Variants in GRIP1 observed in about 807,000 individuals in gnomAD.
The protein encoded by GRIP1 is glutamate receptor-interacting protein 1.
In GRIP1, 45 loss-of-function variants were observed where a neutral mutation model predicts 129.9. That is an observed-to-expected ratio of 0.35 (90% CI 0.27 to 0.44). GRIP1 has a LOEUF of 0.44. Among genes scored for constraint, GRIP1 ranks in the 20% least tolerant of loss-of-function variants. The pLI is 1.00. For missense variants in GRIP1, 1,196 were observed against 1,396.8 expected (o/e 0.86, Z 2.29); for synonymous variants, 530 against 520.8 (o/e 1.02, Z -0.24).
intron 1 of GRIP1, among the ~76,000 whole-genome samples, chr12:66,852,532 GTATA>G (rs201373720): frequency 6.7e-6 from 1 of 149,760 alleles, no homozygotes; most frequent in Non-Finnish European, 1.5e-5. Flanking sequence ...ATATGTATAT[GTATA>G]TATGTATATA....
intron 1 of GRIP1, among the ~76,000 whole-genome samples, chr12:66,860,391 G>C (rs7310441): frequency 1.3e-5 from 2 of 151,860 alleles, no homozygotes; most frequent in Admixed American, 1.3e-4. Flanking sequence ...TGGAGCATTC[G>C]TCTCTTAGCC....
intron 1 of GRIP1, among the ~76,000 whole-genome samples, chr12:66,853,445 CT>C (rs1013499019): frequency 6.6e-6 from 1 of 151,798 alleles, no homozygotes; most frequent in African/African-American, 2.4e-5. Context: ...GAAAATTTAT[CT>C]TTTTTTCTCC....
Position 66,776,799 on chromosome 12 carries a change from A to G in GRIP1, c.-420+27254T>C, listed in dbSNP as rs140229678. Among the ~76,000 whole-genome samples, 79 of 152,318 alleles carry G rather than the reference A, an allele frequency of 5.2e-4. 1 individual carries two copies. Among genetic ancestry groups the G allele is most frequent in the African/African-American group, 1.7e-3 (69 of 41,572 alleles). ...TGGCAGAAGTAAAATTGTTGATGAA[A>G]TGCCATAGTGATAACAGGAAAACAA... is the stretch of plus-strand genomic sequence containing the variant. On this transcript the variant is annotated intron_variant, in intron 1 of 4. Transcript: ENST00000538373.
intron 1 of GRIP1, among the ~76,000 whole-genome samples, chr12:66,650,944 A>G (rs1273537526): frequency 6.6e-6 from 1 of 152,230 alleles, no homozygotes; most frequent in African/African-American, 2.4e-5. Context: ...CTCCAAAATG[A>G]GCATGGTAAA....
chr12:66,548,810 C>T (rs1166560270), intron 2 of GRIP1, among the ~76,000 whole-genome samples: 1 of 152,078 alleles, frequency 6.6e-6, no homozygotes, highest in African/African-American at 2.4e-5. Flanking sequence ...GTGGGGCAGG[C>T]ACACTATATA....
chr12:66,431,583 C>T (rs2058149554), intron 14 of GRIP1, among the ~76,000 whole-genome samples: 1 of 152,198 alleles, frequency 6.6e-6, no homozygotes, highest in South Asian at 2.1e-4. Flanking sequence ...GAACCACTGA[C>T]AGAAATGCTA....
chr12:66,991,082 C>T (rs2042387827), intron 1 of GRIP1, among the ~76,000 whole-genome samples: 1 of 151,850 alleles, frequency 6.6e-6, no homozygotes, highest in South Asian at 2.1e-4. Flanking sequence ...ACCATCCTGG[C>T]TAACAGGGTG....
At position 66,401,609 on chromosome 12, in the gene GRIP1, T is replaced by C. The variant is rs866218896; in HGVS notation, c.1984+4674A>G. The stretch of plus-strand genomic sequence containing the variant: ...AAAAAAATATGTGTGTATATATATA[T>C]ACACACACACACACACACACACACA... On this transcript the variant is annotated intron_variant, in intron 16 of 24. Coordinates refer to ENST00000359742, the MANE Select transcript of GRIP1 (RefSeq NM_001366722.1). Among the ~76,000 whole-genome samples, 410 of 110,182 alleles carry C rather than the reference T, an allele frequency of 3.7e-3. 19 individuals carry two copies. Among genetic ancestry groups the C allele is most frequent in the African/African-American group, 0.015 (396 of 26,812 alleles). The allele number at this position is 110,182 out of a possible 152,430, so 72.3% of individuals were successfully genotyped here.
intron 1 of GRIP1, among the ~76,000 whole-genome samples, chr12:66,811,583 A>G (rs1369359665): frequency 2.0e-5 from 3 of 151,980 alleles, no homozygotes; most frequent in Non-Finnish European, 2.9e-5. Context: ...AATTCATTCC[A>G]TTTTCCTTGT....
chr12:66,483,768 A>G (rs1282208672), intron 7 of GRIP1, among the ~76,000 whole-genome samples: 2 of 152,218 alleles, frequency 1.3e-5, no homozygotes, highest in African/African-American at 4.8e-5. Flanking sequence ...CTGTGTAACC[A>G]CACCAAGACC....
At chr12:66,576,883 T>A (rs1437310369) in intron 2 of GRIP1, among the ~76,000 whole-genome samples, 2 of 152,208 alleles carry the variant, frequency 1.3e-5, no homozygotes, top group African/African-American at 4.8e-5. Flanking sequence ...AAGACCTGTA[T>A]GTGTTAGTTG....
At chr12:66,903,350 G>A (rs533735304) in intron 1 of GRIP1, among the ~76,000 whole-genome samples, 3 of 150,406 alleles carry the variant, frequency 2.0e-5, no homozygotes, top group East Asian at 3.9e-4. Flanking sequence ...CTTCAAGAGC[G>A]CTTTTTTCCT....
intron 5 of GRIP1, among the ~76,000 whole-genome samples, chr12:66,526,706 G>T (rs1370615131): frequency 2.6e-5 from 4 of 151,794 alleles, no homozygotes; most frequent in East Asian, 1.9e-4. Context: ...AAGAGCTTCT[G>T]CACAGCAAAA....
intron 1 of GRIP1, among the ~76,000 whole-genome samples, chr12:66,775,348 G>C (rs888094344): frequency 1.3e-5 from 2 of 152,200 alleles, no homozygotes; most frequent in African/African-American, 2.4e-5. Flanking sequence ...ATACACGTGA[G>C]AGGAGTCATC....
intron 1 of GRIP1, among the ~76,000 whole-genome samples, chr12:66,739,747 A>AT (rs1393774156): frequency 2.0e-5 from 3 of 149,574 alleles, no homozygotes; most frequent in East Asian, 2.0e-4. Flanking sequence ...CTAAAATAAA[A>AT]TAAAAAAAAA....
At chr12:67,050,782 C>T (rs2043332102) in intron 1 of GRIP1, among the ~76,000 whole-genome samples, 1 of 152,098 alleles carries the variant, frequency 6.6e-6, no homozygotes, top group Admixed American at 6.5e-5. Flanking sequence ...AATGTTGCAA[C>T]CTCTGCCCAC....
At chr12:66,379,932 G>A (rs1054882077) in intron 19 of GRIP1, among the ~76,000 whole-genome samples, 82 of 152,206 alleles carry the variant, frequency 5.4e-4, no homozygotes, top group African/African-American at 2.0e-3. Flanking sequence ...TTGAGATGGA[G>A]TCTTGCTCTG....
intron 5 of GRIP1, among the ~76,000 whole-genome samples, chr12:66,522,266 G>A (rs1414474987): frequency 6.6e-6 from 1 of 152,218 alleles, no homozygotes; most frequent in Non-Finnish European, 1.5e-5. Flanking sequence ...GGGGCAGACT[G>A]ACACCTCACA....
chr12:66,870,060 C>T (rs2040269833), intron 1 of GRIP1, among the ~76,000 whole-genome samples: 1 of 152,098 alleles, frequency 6.6e-6, no homozygotes, highest in South Asian at 2.1e-4. Context: ...ACACCTTCCC[C>T]ATTGTGACAA....
Sources: gnomAD v4.1 joint callset for allele counts (sites outside exome capture counted in the v4.1 genomes callset) on GRCh38, gnomAD v4.1.1 for gene constraint, MANE v1.5 for transcripts, NCBI Gene and HGNC (gene_info 2026-07-23, HGNC 2026-07-21) for gene names.